Variants in DPY19L4 observed in about 807,000 individuals in gnomAD.
The protein encoded by DPY19L4 is probable C-mannosyltransferase DPY19L4.
DPY19L4 carries 97 observed loss-of-function variants against 102.8 expected under a neutral mutation model. That is an observed-to-expected ratio of 0.94 (90% CI 0.80 to 1.12). The LOEUF is 1.12. DPY19L4 is among the 50% of genes most tolerant of loss of function. The pLI, the probability that DPY19L4 is intolerant of heterozygous loss-of-function variation, is 0.00. For missense variants in DPY19L4, 815 were observed against 850.4 expected (o/e 0.96, Z 0.52); for synonymous variants, 252 against 283.1 (o/e 0.89, Z 1.10).
intron 17 of DPY19L4, among the ~76,000 whole-genome samples, chr8:94,787,447 A>G (rs962048083): frequency 1.3e-5 from 2 of 152,150 alleles, no homozygotes; most frequent in African/African-American, 4.8e-5. Context: ...GGTGACAGGT[A>G]GGAGGCAGCT....
At chr8:94,758,416 T>C (rs1273798575) in intron 7 of DPY19L4, among the ~76,000 whole-genome samples, 1 of 152,202 alleles carries the variant, frequency 6.6e-6, no homozygotes, top group Non-Finnish European at 1.5e-5. Context: ...TATAGTCATA[T>C]TAGTTGTTAT....
intron 6 of DPY19L4, chr8:94,744,374 T>TA (rs775470383): frequency 5.9e-5 from 27 of 456,702 alleles, no homozygotes; most frequent in South Asian, 3.7e-4. Flanking sequence ...TGGTCTCCCT[T>TA]ACAGTGAATG....
chr8:94,727,245 G>A (rs1230734701), intron 2 of DPY19L4, among the ~76,000 whole-genome samples: 1 of 152,066 alleles, frequency 6.6e-6, no homozygotes, highest in Non-Finnish European at 1.5e-5. Context: ...TTGATTGATT[G>A]ATTTTTGAGA....
At chr8:94,752,741 T>G (rs1472346090) in intron 6 of DPY19L4, among the ~76,000 whole-genome samples, 1 of 150,788 alleles carries the variant, frequency 6.6e-6, no homozygotes, top group Non-Finnish European at 1.5e-5. Flanking sequence ...CTTGGCTCAC[T>G]GCAAGCTCCG....
intron 6 of DPY19L4, among the ~76,000 whole-genome samples, chr8:94,742,694 G>A (rs981463213): frequency 3.3e-5 from 5 of 151,910 alleles, no homozygotes; most frequent in Non-Finnish European, 4.4e-5. Flanking sequence ...GAGTAGCTGG[G>A]ATTACAGGCA....
At chr8:94,742,684 G>T (rs192951387) in intron 6 of DPY19L4, among the ~76,000 whole-genome samples, 1 of 151,330 alleles carries the variant, frequency 6.6e-6, no homozygotes, top group East Asian at 2.0e-4. Flanking sequence ...TCAGCCTCCC[G>T]AGTAGCTGGG....
chr8:94,728,897 A>C (rs1810808815), intron 2 of DPY19L4, among the ~76,000 whole-genome samples: 1 of 152,196 alleles, frequency 6.6e-6, no homozygotes, highest in Non-Finnish European at 1.5e-5. Flanking sequence ...AGAACAGTTT[A>C]TTAACCAGGC....
chr8:94,779,515 G>A (rs1813337391), intron 14 of DPY19L4, among the ~76,000 whole-genome samples: 1 of 149,770 alleles, frequency 6.7e-6, no homozygotes. Flanking sequence ...TTTTTGTAGA[G>A]ACAGGGTCTC....
chr8:94,742,286 A>G (rs1414934929), intron 6 of DPY19L4, among the ~76,000 whole-genome samples: 2 of 152,108 alleles, frequency 1.3e-5, no homozygotes, highest in African/African-American at 4.8e-5. Context: ...TGAACCCAGG[A>G]GGCAGAGCTT....
Position 94,726,314 on chromosome 8 carries a change from G to T in DPY19L4, c.17-17G>T. On this transcript the variant is annotated splice_polypyrimidine_tract_variant and intron_variant, in intron 1 of 18. Coordinates refer to ENST00000414645, the MANE Select transcript of DPY19L4 (RefSeq NM_181787.3). ...AATTTTATACACACATTGCAATAATGTCTTAAATATTTTAAGGACCACCTG... is the reference window on the plus strand; with the variant it reads ...AATTTTATACACACATTGCAATAATTTCTTAAATATTTTAAGGACCACCTG... 1 of 1,582,252 alleles carries T rather than the reference G, an allele frequency of 6.3e-7. No individual in the cohort carries two copies.
chr8:94,740,764 T>C (rs35359953), intron 6 of DPY19L4, among the ~76,000 whole-genome samples: 1 of 152,020 alleles, frequency 6.6e-6, no homozygotes, highest in African/African-American at 2.4e-5. Context: ...TGCAATACTG[T>C]TTTTTTTATG....
At chr8:94,779,353 T>TA (rs1813329559) in intron 14 of DPY19L4, among the ~76,000 whole-genome samples, 2 of 151,820 alleles carry the variant, frequency 1.3e-5, no homozygotes, top group South Asian at 4.2e-4. Flanking sequence ...GACAGAGTCT[T>TA]ACGGTGTCTC....
chr8:94,785,588 G>T (rs1813619007), intron 17 of DPY19L4, among the ~76,000 whole-genome samples: 1 of 152,212 alleles, frequency 6.6e-6, no homozygotes, highest in African/African-American at 2.4e-5. Context: ...TATCCTTGAG[G>T]CAGTTAAGAG....
chr8:94,721,787 G>A (rs1336618187), intron 1 of DPY19L4, among the ~76,000 whole-genome samples: 1 of 152,166 alleles, frequency 6.6e-6, no homozygotes, highest in Non-Finnish European at 1.5e-5. Context: ...AGATTGTACC[G>A]TTTTGTAAAT....
At chr8:94,722,266 G>C (rs1320042006) in intron 1 of DPY19L4, among the ~76,000 whole-genome samples, 1 of 151,880 alleles carries the variant, frequency 6.6e-6, no homozygotes, top group Admixed American at 6.6e-5. Flanking sequence ...AGTTAGCCGG[G>C]CATGGTGGCG....
chr8:94,752,033 T>C (rs1811955011), intron 6 of DPY19L4, among the ~76,000 whole-genome samples: 1 of 152,154 alleles, frequency 6.6e-6, no homozygotes, highest in Non-Finnish European at 1.5e-5. Context: ...AGTTTCCAGT[T>C]TTGTGGGGAC....
At chr8:94,738,890 C>T (rs957986573) in intron 4 of DPY19L4, among the ~76,000 whole-genome samples, 3 of 152,032 alleles carry the variant, frequency 2.0e-5, no homozygotes, top group Admixed American at 6.6e-5. Context: ...TTTTACTTTA[C>T]ATGTAGTAAT....
At chr8:94,767,894 AATT>A (rs1416571067) in intron 11 of DPY19L4, among the ~76,000 whole-genome samples, 6 of 152,252 alleles carry the variant, frequency 3.9e-5, no homozygotes, top group African/African-American at 1.2e-4. Flanking sequence ...ACAATGTAAA[AATT>A]ATTAAGGAGA....
chr8:94,776,026 C>CTTTTTT (rs1165180641), intron 13 of DPY19L4, among the ~76,000 whole-genome samples: 629 of 81,468 alleles, frequency 7.7e-3, no homozygotes, highest in Middle Eastern at 0.012. Context: ...ATTTTTAAAT[C>CTTTTTT]TTTTTTTTTT....
Sources: allele counts gnomAD v4.1 joint callset (sites outside exome capture counted in the v4.1 genomes callset), GRCh38; gene constraint gnomAD v4.1.1; transcripts MANE v1.5; gene names NCBI Gene and HGNC (gene_info 2026-07-23, HGNC 2026-07-21).